SEMA3D: variants seen among roughly 807,000 people sequenced by gnomAD.
SEMA3D encodes the protein semaphorin 3D, also known as semaphorin-3D.
SEMA3D carries 84 observed loss-of-function variants against 100.1 expected under a neutral mutation model. The observed-to-expected ratio is 0.84, with a 90% CI of 0.70 to 1.01. The LOEUF (loss-of-function observed/expected upper bound fraction) is 1.01, where lower values mean the gene tolerates loss of function less well. Ranked by LOEUF, SEMA3D falls within the 50% of genes least tolerant of loss-of-function variation. SEMA3D has a pLI of 0.00. For missense variants in SEMA3D, 875 were observed against 934.1 expected (o/e 0.94, Z 0.82); for synonymous variants, 312 against 320.7 (o/e 0.97, Z 0.29).
intron 4 of SEMA3D, among the ~76,000 whole-genome samples, chr7:85,082,304 T>C (rs1209814650): frequency 6.6e-6 from 1 of 152,190 alleles, no homozygotes; most frequent in East Asian, 1.9e-4. Flanking sequence ...GGCTCCAAAC[T>C]CATTGGTTGA....
At chr7:85,176,103 A>G (rs1034965407) in intron 1 of SEMA3D, among the ~76,000 whole-genome samples, 8 of 152,122 alleles carry the variant, frequency 5.3e-5, no homozygotes, top group African/African-American at 1.7e-4. Context: ...GTCTATACAA[A>G]AAAGTGAGTT....
chr7:85,136,712 T>C (rs374226543), intron 2 of SEMA3D, among the ~76,000 whole-genome samples: 1 of 152,274 alleles, frequency 6.6e-6, no homozygotes, highest in African/African-American at 2.4e-5. Context: ...AAAATACATT[T>C]TTATTTTTTA....
intron 1 of SEMA3D, among the ~76,000 whole-genome samples, chr7:85,174,087 C>T (rs183485442): frequency 1.8e-4 from 27 of 152,224 alleles, no homozygotes; most frequent in African/African-American, 6.3e-4. Context: ...ATACTCTGAA[C>T]ATAACCTCCA....
At chr7:85,222,404 A>G in the SEMA3D span, among the ~76,000 whole-genome samples, 1,420 of 152,212 alleles carry the variant, frequency 9.3e-3, 12 homozygotes, top group Non-Finnish European at 0.016. Flanking sequence ...AACACTATAC[A>G]TATATTACAT....
the SEMA3D span, among the ~76,000 whole-genome samples, chr7:85,224,531 A>T: frequency 1.3e-5 from 2 of 152,078 alleles, no homozygotes; most frequent in Non-Finnish European, 2.9e-5. Flanking sequence ...TGAGGTCAAA[A>T]AAAGTTGTGT....
chr7:85,037,159 T>C (rs573540047), intron 11 of SEMA3D, 126 bp from the exon 12 acceptor site: 3 of 795,064 alleles, frequency 3.8e-6, no homozygotes, highest in East Asian at 2.7e-5. Flanking sequence ...ATGGGTACTG[T>C]AGACACAATG....
chr7:85,140,462 G>C, intron 2 of SEMA3D: 1 of 982,132 alleles, frequency 1.0e-6, no homozygotes, highest in Non-Finnish European at 1.2e-6. Flanking sequence ...GTGACTTACT[G>C]TTCTGATATG....
chr7:85,131,762 G>A (rs1789730048), intron 2 of SEMA3D, among the ~76,000 whole-genome samples: 1 of 151,746 alleles, frequency 6.6e-6, no homozygotes, highest in East Asian at 1.9e-4. Context: ...TTAACAGGTG[G>A]TAATTTAAAA....
intron 1 of SEMA3D, among the ~76,000 whole-genome samples, chr7:85,185,754 GAGA>G (rs1791523474): frequency 6.6e-6 from 1 of 152,192 alleles, no homozygotes; most frequent in Admixed American, 6.5e-5. Flanking sequence ...CGAGTCATCA[GAGA>G]AGGAGAAACA....
At chr7:85,079,168 A>G (rs868797582) in intron 5 of SEMA3D, among the ~76,000 whole-genome samples, 4 of 152,216 alleles carry the variant, frequency 2.6e-5, no homozygotes, top group African/African-American at 9.6e-5. Context: ...TCCAGAAAAT[A>G]GAAAATAATA....
chr7:85,217,432 C>A, the SEMA3D span, among the ~76,000 whole-genome samples: 15 of 152,082 alleles, frequency 9.9e-5, no homozygotes, highest in African/African-American at 3.6e-4. Context: ...TATAGTTTAA[C>A]AAAAACAGAG....
At chr7:85,088,075 T>C (rs1224338735) in intron 4 of SEMA3D, among the ~76,000 whole-genome samples, 2 of 152,212 alleles carry the variant, frequency 1.3e-5, no homozygotes, top group Non-Finnish European at 2.9e-5. Context: ...AAACAACTTT[T>C]TGTCCTTTTA....
intron 5 of SEMA3D, among the ~76,000 whole-genome samples, chr7:85,075,125 C>A (rs2286191): frequency 0.26 from 39,938 of 151,900 alleles, 8,553 homozygotes; most frequent in African/African-American, 0.6. Flanking sequence ...CAAAGACATT[C>A]GTACATAGGG....
chr7:85,141,294 G>C, intron 2 of SEMA3D: 1 of 984,128 alleles, frequency 1.0e-6, no homozygotes, highest in Non-Finnish European at 1.2e-6. Flanking sequence ...AACCTCTTCA[G>C]GAATTTTAAC....
chr7:85,162,360 TAA>T (rs1479993472), intron 1 of SEMA3D, among the ~76,000 whole-genome samples: 1 of 152,094 alleles, frequency 6.6e-6, no homozygotes, highest in Non-Finnish European at 1.5e-5. Flanking sequence ...ACCCTTATCA[TAA>T]GTTTGTTGGG....
At chr7:85,217,822 A>G in the SEMA3D span, among the ~76,000 whole-genome samples, 1 of 152,066 alleles carries the variant, frequency 6.6e-6, no homozygotes, top group South Asian at 2.1e-4. Context: ...GTTTAGTGCA[A>G]TGCCTGTCAC....
the SEMA3D span, among the ~76,000 whole-genome samples, chr7:85,246,819 ATAAGCTTGT>A: frequency 6.6e-6 from 1 of 151,998 alleles, no homozygotes; most frequent in East Asian, 1.9e-4. Flanking sequence ...AAGGATGCTC[ATAAGCTTGT>A]TGAGATGAGC....
intron 18 of SEMA3D, among the ~76,000 whole-genome samples, chr7:85,005,379 G>A (rs1262899112): frequency 1.3e-5 from 2 of 151,926 alleles, no homozygotes; most frequent in African/African-American, 4.8e-5. Flanking sequence ...AATATTCAGT[G>A]TAACTATGAA....
chr7:85,002,307 G>A (rs1213506599), intron 18 of SEMA3D, among the ~76,000 whole-genome samples: 1 of 152,110 alleles, frequency 6.6e-6, no homozygotes, highest in East Asian at 1.9e-4. Context: ...AGCTTTCTAG[G>A]TCTAACTAAT....
Sources: allele counts gnomAD v4.1 joint callset (sites outside exome capture counted in the v4.1 genomes callset), GRCh38; gene constraint gnomAD v4.1.1; transcripts MANE v1.5; gene names NCBI Gene and HGNC (gene_info 2026-07-23, HGNC 2026-07-21).